Variants in CADM2 observed in about 807,000 individuals in gnomAD.
CADM2 encodes the protein immunoglobulin superfamily member 4D.
CADM2 carries 12 observed loss-of-function variants against 49.8 expected under a neutral mutation model. The observed-to-expected ratio is 0.24, with a 90% CI of 0.15 to 0.39. CADM2 has a LOEUF of 0.39. Ranked by LOEUF, CADM2 falls within the 10% of genes least tolerant of loss-of-function variation. CADM2 has a pLI of 1.00. For missense variants in CADM2, 378 were observed against 492.3 expected, an observed-to-expected ratio of 0.77 and a Z score of 2.20; for synonymous variants, 214 against 175.4, an observed-to-expected ratio of 1.22 and a Z score of -1.74.
At chr3:85,149,390 C>A (rs1385461416) in intron 1 of CADM2, among the ~76,000 whole-genome samples, 1 of 152,048 alleles carries the variant, frequency 6.6e-6, no homozygotes, top group African/African-American at 2.4e-5. Context: ...CTTAGGTATG[C>A]TTTTATAGCA....
At chr3:85,560,108 G>C (rs1385564842) in intron 1 of CADM2, among the ~76,000 whole-genome samples, 1 of 152,036 alleles carries the variant, frequency 6.6e-6, no homozygotes, top group African/African-American at 2.4e-5. Flanking sequence ...AATGTAGAAG[G>C]AAAATTATAG....
At chr3:85,375,249 C>T (rs975187221) in intron 1 of CADM2, among the ~76,000 whole-genome samples, 1 of 152,114 alleles carries the variant, frequency 6.6e-6, no homozygotes, top group Non-Finnish European at 1.5e-5. Context: ...ATTGATACCA[C>T]TATATGATAA....
chr3:85,797,569 C>T (rs1348881218), intron 2 of CADM2, among the ~76,000 whole-genome samples: 4 of 152,166 alleles, frequency 2.6e-5, no homozygotes, highest in Non-Finnish European at 4.4e-5. Context: ...TCATCCATAT[C>T]CCTGCAAAGG....
At chr3:85,801,987 T>TGGTCG in intron 2 of CADM2, 60 bp from the exon 3 acceptor site, 1 of 1,229,378 alleles carries the variant, frequency 8.1e-7, no homozygotes, top group Non-Finnish European at 1.1e-6. Flanking sequence ...GTGTAGATCT[T>TGGTCG]AGGCAGTTAA....
intron 3 of CADM2, among the ~76,000 whole-genome samples, chr3:85,880,024 C>T (rs1445146677): frequency 1.3e-5 from 2 of 152,164 alleles, no homozygotes; most frequent in African/African-American, 4.8e-5. Flanking sequence ...CCTGCCATCC[C>T]TAGTCCTTGG....
intron 1 of CADM2, among the ~76,000 whole-genome samples, chr3:85,527,753 T>A (rs577143742): frequency 1.3e-5 from 2 of 152,294 alleles, no homozygotes; most frequent in East Asian, 3.9e-4. Context: ...TTCAGAAGCC[T>A]GGCAAATGCC....
chr3:85,278,809 G>T lies in CADM2; in HGVS notation c.61+319141G>T, dbSNP rs1266210925. Among the ~76,000 whole-genome samples the T allele has an allele frequency of 4.7e-5, 7 of 149,968 alleles. No individual in the cohort carries two copies. In the Admixed American group the frequency reaches 4.7e-4, roughly 10 times the overall value. ...AATGTTTTAAACATAATTGCAAAAT[G>T]CTCTATAGATAAATATAAAAGATAT... On this transcript the variant is annotated intron_variant, in intron 1 of 9. Coordinates refer to ENST00000383699, the MANE Select transcript of CADM2 (RefSeq NM_001167675.2).
intron 8 of CADM2, among the ~76,000 whole-genome samples, chr3:86,022,876 G>T (rs553149095): frequency 1.3e-5 from 2 of 152,062 alleles, no homozygotes; most frequent in African/African-American, 4.8e-5. Context: ...ATGCATAAAC[G>T]TTTGCAGAAT....
chr3:85,234,710 A>G (rs1021984985), intron 1 of CADM2, among the ~76,000 whole-genome samples: 2 of 152,136 alleles, frequency 1.3e-5, no homozygotes, highest in African/African-American at 4.8e-5. Context: ...GTTTTATTAT[A>G]CAATGTAGAA....
At chr3:85,242,895 A>G (rs2042562509) in intron 1 of CADM2, among the ~76,000 whole-genome samples, 1 of 151,852 alleles carries the variant, frequency 6.6e-6, no homozygotes, top group Non-Finnish European at 1.5e-5. Flanking sequence ...ACAACACATC[A>G]ATGATATTTG....
chr3:85,792,355 G>A (rs1035690142), intron 2 of CADM2, among the ~76,000 whole-genome samples: 1 of 152,146 alleles, frequency 6.6e-6, no homozygotes, highest in Non-Finnish European at 1.5e-5. Context: ...TTGAAAAATT[G>A]TGTCTTAAAT....
At chr3:85,598,853 GTGTA>G (rs58003778) in intron 1 of CADM2, among the ~76,000 whole-genome samples, 3,158 of 45,164 alleles carry the variant, frequency 0.07, 134 homozygotes, top group East Asian at 0.51. Context: ...GTGTGTGTGT[GTGTA>G]TATATATATA....
intron 1 of CADM2, among the ~76,000 whole-genome samples, chr3:85,559,655 AACACAC>A (rs144677158): frequency 0.11 from 12,191 of 111,042 alleles, 637 homozygotes; most frequent in Non-Finnish European, 0.16. Flanking sequence ...ATTTAAAAGA[AACACAC>A]ACACACACAC....
At chr3:85,607,209 A>G (rs1447194761) in intron 1 of CADM2, among the ~76,000 whole-genome samples, 5 of 152,194 alleles carry the variant, frequency 3.3e-5, no homozygotes, top group East Asian at 3.8e-4. Flanking sequence ...TTTCTTCAGT[A>G]AAGAATAAAG....
chr3:84,977,383 T>C (rs1001029697), intron 1 of CADM2, among the ~76,000 whole-genome samples: 3 of 151,970 alleles, frequency 2.0e-5, no homozygotes, highest in Non-Finnish European at 4.4e-5. Context: ...AATTAGGAGG[T>C]AGGTCTAAAT....
intron 1 of CADM2, among the ~76,000 whole-genome samples, chr3:85,192,396 A>G (rs2041230418): frequency 6.6e-6 from 1 of 152,000 alleles, no homozygotes; most frequent in Non-Finnish European, 1.5e-5. Flanking sequence ...CTTATTTTTA[A>G]AAAATTGTTC....
chr3:85,733,930 C>G (rs1559621056), intron 2 of CADM2, among the ~76,000 whole-genome samples: 1 of 151,914 alleles, frequency 6.6e-6, no homozygotes, highest in African/African-American at 2.4e-5. Context: ...TAATTAAATT[C>G]CCAAGATTTG....
chr3:85,658,422 T>C (rs2065275108), intron 1 of CADM2, among the ~76,000 whole-genome samples: 1 of 151,666 alleles, frequency 6.6e-6, no homozygotes, highest in Admixed American at 6.6e-5. Context: ...GGCAATACAT[T>C]TGCTTTTTTA....
chr3:86,031,874 A>C (rs1734598184), intron 8 of CADM2, among the ~76,000 whole-genome samples: 1 of 151,708 alleles, frequency 6.6e-6, no homozygotes, highest in African/African-American at 2.4e-5. Context: ...AGATACCCAT[A>C]ATTGAAACCA....
Sources: gnomAD v4.1 joint callset for allele counts (sites outside exome capture counted in the v4.1 genomes callset) on GRCh38, gnomAD v4.1.1 for gene constraint, MANE v1.5 for transcripts, NCBI Gene and HGNC (gene_info 2026-07-23, HGNC 2026-07-21) for gene names.